Variants in LRRC36 observed in about 807,000 individuals in gnomAD.
LRRC36 encodes the protein leucine-rich repeat-containing protein 36.
LRRC36 carries 62 observed loss-of-function variants against 81.1 expected under a neutral mutation model. The ratio of observed to expected loss-of-function variants is 0.76; its 90% CI spans 0.62 to 0.94. LRRC36 has a LOEUF of 0.94. Among genes scored for constraint, LRRC36 ranks in the 40% least tolerant of loss-of-function variants. LRRC36 has a pLI of 0.00. For missense variants in LRRC36, 761 were observed against 881.7 expected, an observed-to-expected ratio of 0.86 and a Z score of 1.73; for synonymous variants, 334 against 348.6, an observed-to-expected ratio of 0.96 and a Z score of 0.47.
At chr16:67,379,815 A>T (rs1165651143) in intron 12 of LRRC36, among the ~76,000 whole-genome samples, 1 of 152,212 alleles carries the variant, frequency 6.6e-6, no homozygotes, top group Non-Finnish European at 1.5e-5. Flanking sequence ...ATTTCTAGAA[A>T]GTTTCTTCAT....
chr16:67,330,589 TG>T (rs2037434326), intron 1 of LRRC36, among the ~76,000 whole-genome samples: 1 of 152,136 alleles, frequency 6.6e-6, no homozygotes, highest in Non-Finnish European at 1.5e-5. Flanking sequence ...GGGCTGGGCA[TG>T]GTCGTTCACG....
At chr16:67,330,136 A>G (rs999350294) in intron 1 of LRRC36, among the ~76,000 whole-genome samples, 1 of 151,698 alleles carries the variant, frequency 6.6e-6, no homozygotes, top group Non-Finnish European at 1.5e-5. Flanking sequence ...TGTACTTCCT[A>G]TGAATTGGTA....
chr16:67,335,733 T>C (rs986327089), intron 1 of LRRC36, among the ~76,000 whole-genome samples: 8 of 151,452 alleles, frequency 5.3e-5, no homozygotes, highest in Admixed American at 6.6e-5. Context: ...CAACCACTGA[T>C]CTTTTTTTTT....
intron 1 of LRRC36, among the ~76,000 whole-genome samples, chr16:67,332,105 TAGAG>T (rs2037522221): frequency 6.6e-6 from 1 of 152,236 alleles, no homozygotes; most frequent in South Asian, 2.1e-4. Context: ...TGGTTTTCAT[TAGAG>T]AGACTACTTG....
In LRRC36 at chr16:67,371,257, G is replaced by C. The variant is rs1317577232; in HGVS notation, c.1494+15G>C. On this transcript the variant is annotated intron_variant, in intron 9 of 13. Coordinates refer to ENST00000329956, the MANE Select transcript of LRRC36 (RefSeq NM_018296.6). ...CAGGCAGCGAGGCAAGTGTTGGCTT[G>C]TTTGTGTTTGTGCGAGAAACAGGTC... 2 of 1,614,092 alleles carry C rather than the reference G, an allele frequency of 1.2e-6. No homozygotes were observed. The highest frequency in any genetic ancestry group is 1.1e-5 in the South Asian group (1 of 91,018).
At chr16:67,359,393 G>A (rs1884640153) in intron 5 of LRRC36, among the ~76,000 whole-genome samples, 1 of 152,164 alleles carries the variant, frequency 6.6e-6, no homozygotes, top group African/African-American at 2.4e-5. Context: ...GTCATATATT[G>A]TATGATTCCA....
intron 5 of LRRC36, among the ~76,000 whole-genome samples, chr16:67,355,175 G>T (rs904182643): frequency 6.6e-6 from 1 of 152,102 alleles, no homozygotes; most frequent in African/African-American, 2.4e-5. Flanking sequence ...AAGACATCTT[G>T]GTTGCTTCCA....
intron 5 of LRRC36, among the ~76,000 whole-genome samples, chr16:67,355,880 G>C (rs1357145721): frequency 6.6e-6 from 1 of 152,146 alleles, no homozygotes; most frequent in Non-Finnish European, 1.5e-5. Flanking sequence ...ACAGGCTGGA[G>C]AGCAATGGGA....
intron 5 of LRRC36, among the ~76,000 whole-genome samples, chr16:67,356,970 A>AATAATAAGGATCTCTTAGAGGT (rs1001950410): frequency 5.9e-5 from 9 of 152,282 alleles, no homozygotes; most frequent in Admixed American, 3.9e-4. Context: ...GAAAATAGGT[A>AATAATAAGGATCTCTTAGAGGT]ATAATAAGGA....
At chr16:67,336,633 C>G (rs1348992471) in intron 1 of LRRC36, 1 of 151,750 alleles carries the variant, frequency 6.6e-6, no homozygotes, top group Non-Finnish European at 1.5e-5. Context: ...ATTTTTATTG[C>G]TTTTTAGAGA....
chr16:67,347,422 G>A (rs1409997817), intron 3 of LRRC36, 73 bp from the exon 4 acceptor site: 2 of 1,595,198 alleles, frequency 1.3e-6, no homozygotes, highest in Non-Finnish European at 8.6e-7. Context: ...TGCGAATATG[G>A]TTTTCTGATT....
chr16:67,366,114 G>A (rs979909695), intron 7 of LRRC36, among the ~76,000 whole-genome samples: 7 of 151,386 alleles, frequency 4.6e-5, no homozygotes, highest in Admixed American at 1.3e-4. Flanking sequence ...TAGGCAGTTC[G>A]TTCTCTCTCT....
At chr16:67,360,323 T>C (rs1402841039) in intron 5 of LRRC36, among the ~76,000 whole-genome samples, 1 of 151,830 alleles carries the variant, frequency 6.6e-6, no homozygotes, top group African/African-American at 2.4e-5. Flanking sequence ...GTTCAGGCGG[T>C]AGGGGATTTG....
intron 5 of LRRC36, among the ~76,000 whole-genome samples, chr16:67,361,040 C>T (rs1252806626): frequency 6.6e-6 from 1 of 152,062 alleles, no homozygotes; most frequent in African/African-American, 2.4e-5. Context: ...CTAATAGAAT[C>T]GTTCTCTCTT....
At chr16:67,341,874 G>A in intron 1 of LRRC36, 83 bp from the exon 2 acceptor site, 1 of 1,126,366 alleles carries the variant, frequency 8.9e-7, no homozygotes, top group East Asian at 2.5e-5. Flanking sequence ...TTGAGATATG[G>A]GAGGAAGAAA....
At chr16:67,372,357 C>CAA (rs1292857870) in intron 9 of LRRC36, among the ~76,000 whole-genome samples, 1 of 129,624 alleles carries the variant, frequency 7.7e-6, no homozygotes, top group East Asian at 2.4e-4. Flanking sequence ...ACTCTGTCTC[C>CAA]AAAAAAAAAA....
At chr16:67,327,062 G>A in intron 1 of LRRC36, 130 bp downstream of exon 1, 1 of 876,298 alleles carries the variant, frequency 1.1e-6, no homozygotes, top group South Asian at 1.9e-5. Context: ...CTGAGGCTGG[G>A]GGGCGGGGGG....
Position 67,357,548 on chromosome 16 carries a change from G to C in LRRC36, c.578-6042G>C, listed in dbSNP as rs530914215. Among the ~76,000 whole-genome samples, 5 of 152,298 alleles carry C rather than the reference G, an allele frequency of 3.3e-5. No homozygotes were observed. The South Asian group carries it at 8.3e-4, about 25-fold the overall frequency. ...GAGGAAAGAGGGTTAAGCAGAGAGA[G>C]AGCTCTAGAGTAAGAACTTTCCTTC... On this transcript the variant is annotated intron_variant, in intron 5 of 13. Transcript: ENST00000329956.
At chr16:67,347,617 TAA>T in intron 4 of LRRC36, 26 bp downstream of exon 4, 1 of 1,561,734 alleles carries the variant, frequency 6.4e-7, no homozygotes, top group Non-Finnish European at 8.8e-7. Context: ...ACAAAATTTT[TAA>T]AGTTTGGTTC....
Sources: allele counts gnomAD v4.1 joint callset (sites outside exome capture counted in the v4.1 genomes callset), GRCh38; gene constraint gnomAD v4.1.1; transcripts MANE v1.5; gene names NCBI Gene and HGNC (gene_info 2026-07-23, HGNC 2026-07-21).